ZNF135: variants seen among roughly 807,000 people sequenced by gnomAD.
ZNF135 encodes zinc finger protein 135 (clone pHZ-17).
A neutral mutation model predicts 12.3 loss-of-function variants in ZNF135; 11 were observed. The ratio of observed to expected loss-of-function variants is 0.89; its 90% CI spans 0.56 to 1.48. ZNF135 has a LOEUF of 1.48. Among genes scored for constraint, ZNF135 ranks in the 40% most tolerant of loss-of-function variants. The pLI is 0.00. For missense variants in ZNF135, 722 were observed against 815.7 expected, an observed-to-expected ratio of 0.89 and a Z score of 1.40; for synonymous variants, 316 against 312.0, an observed-to-expected ratio of 1.01 and a Z score of -0.14.
chr19:58,068,286 C>A lies in ZNF135; in HGVS notation c.1802C>A (p.Thr601Asn). 6.2e-7 allele frequency: 1 copy of A among 1,614,162 alleles called. No homozygotes were observed. The highest frequency in any genetic ancestry group is 1.3e-5 in the African/African-American group (1 of 75,032). ...CTCAGCCAGCACGAAAGGACGCACA[C>A]TGGGGAAAAGCCCTATGAGTGTCAC... ...SSLSQHERTH[T>N]GEKPYECHDC... The change falls in exon 5 of 5, where the codon ACT becomes AAT. Residue 601 changes from threonine (T) to asparagine (N), a missense_variant. Transcript: ENST00000313434.
At chr19:58,064,282 A>G (rs1466833580) in intron 4 of ZNF135, among the ~76,000 whole-genome samples, 3 of 152,220 alleles carry the variant, frequency 2.0e-5, no homozygotes, top group South Asian at 2.1e-4. Flanking sequence ...TACCCAATAT[A>G]TTAGCTTCCT....
At position 58,067,101 on chromosome 19, in the gene ZNF135, A is replaced by T; in HGVS notation, c.617A>T (p.Lys206Ile). Reference protein sequence around the residue: ...REKPDLNVLQKTCVKEKPYKC... With the variant: ...REKPDLNVLQITCVKEKPYKC... Reference sequence around the variant, plus strand: ...AAGCCAGACCTAAATGTTTTACAGAAAACCTGTGTAAAAGAGAAACCCTAC... The same window carrying T: ...AAGCCAGACCTAAATGTTTTACAGATAACCTGTGTAAAAGAGAAACCCTAC... The change falls in exon 5 of 5, where the codon AAA (lysine) becomes ATA (isoleucine). Residue 206 changes from lysine (K) to isoleucine (I), a missense_variant. Physicochemically the swap from Lys to Ile is moderately radical, Grantham distance 102 (BLOSUM62 -3). Coordinates refer to ENST00000313434, the MANE Select transcript of ZNF135 (RefSeq NM_001289401.2). The T allele has an allele frequency of 6.2e-7, 1 of 1,614,242 alleles. No individual in the cohort carries two copies. Among genetic ancestry groups the T allele is most frequent in the Non-Finnish European group, 8.5e-7 (1 of 1,180,046 alleles).
Position 58,067,609 on chromosome 19 carries a change from C to T in ZNF135, c.1125C>T (p.Ile375=). 6.2e-7 allele frequency: 1 copy of T among 1,613,544 alleles called. No homozygotes were observed. Among genetic ancestry groups the T allele is most frequent in the East Asian group, 2.2e-5 (1 of 44,824 alleles). ...CATCCTTGACCAAACACCAGCGAAT[C>T]CACACAGGGGAGAAGCCCTACGAGT... ...HSSSLTKHQR[I]HTGEKPYECH... is the part of the protein sequence containing the mutation. The change falls in exon 5 of 5, where the codon ATC becomes ATT. Residue 375 remains isoleucine (I), a synonymous_variant. Transcript: ENST00000313434.
rs1339005801 is a variant in ZNF135 at position 58,065,226 on chromosome 19, C to A, written c.257-1515C>A. On this transcript the variant is annotated intron_variant, in intron 4 of 4. Transcript: ENST00000313434. The surrounding 1 kb of genome is among the most constrained non-coding windows in gnomAD (Gnocchi z 4.0). ...TGTTTTTTTAAGAGATGGGGTCTTG[C>A]TATCTTGCCTAGGATGGAGTCCAGT... 2.0e-5 allele frequency among the ~76,000 whole-genome samples: 3 copies of A among 152,022 alleles called. No individual in the cohort carries two copies. Among genetic ancestry groups the A allele is most frequent in the Non-Finnish European group, 4.4e-5 (3 of 67,994 alleles).
At chr19:58,061,446 A>C in intron 2 of ZNF135, 134 bp from the exon 3 acceptor site, 2 of 1,161,842 alleles carry the variant, frequency 1.7e-6, no homozygotes, top group Admixed American at 3.0e-5. Context: ...TCCAGGCCCC[A>C]CAGAAAAACC....
intron 2 of ZNF135, 41 bp from the exon 3 acceptor site, chr19:58,061,539 C>G (rs377458069): frequency 2.4e-4 from 374 of 1,589,440 alleles, no homozygotes; most frequent in Middle Eastern, 3.4e-4. Flanking sequence ...GCAGCCAGTG[C>G]CAGGGTTGGC....
chr19:58,066,830 T>A lies in ZNF135; in HGVS notation c.346T>A (p.Phe116Ile), dbSNP rs2074074449. ...CAACAGTGTCATCTTGGTAGAAAGA[T>A]TCCTGTGGGATGGTCTGTGGTACTG... The part of the protein sequence containing the change: ...ISNSVILVER[F>I]LWDGLWYCRG... The change falls in exon 5 of 5, where the codon TTC (phenylalanine) becomes ATC (isoleucine). Residue 116 changes from phenylalanine to isoleucine, a missense_variant. Transcript: ENST00000313434. 6.2e-7 allele frequency: 1 copy of A among 1,614,092 alleles called. No homozygotes were observed. The highest frequency in any genetic ancestry group is 1.7e-5 in the Admixed American group (1 of 60,006).
chr19:58,061,725 C>T lies in ZNF135; in HGVS notation c.160+19C>T. 1.9e-6 allele frequency: 3 copies of T among 1,601,108 alleles called. No individual in the cohort carries two copies. Among genetic ancestry groups the T allele is most frequent in the Non-Finnish European group, 2.6e-6 (3 of 1,175,340 alleles). On this transcript the variant is annotated intron_variant, in intron 3 of 4. Coordinates refer to ENST00000313434, the MANE Select transcript of ZNF135 (RefSeq NM_001289401.2). ...TCTGTGGGTAAGGCCACACCCATGT[C>T]CTATCTGTTGATCTGTCCCTGACAC...
rs774073039 is a variant in ZNF135, at chr19:58,067,568, G to A, written c.1084G>A (p.Ala362Thr). Residue 362 changes from alanine (A) to threonine (T), a missense_variant, in exon 5 of 5, where the codon GCC becomes ACC. Ala to Thr is a moderately conservative substitution (Grantham distance 58). Coordinates refer to ENST00000313434, the MANE Select transcript of ZNF135 (RefSeq NM_001289401.2). ...CTATCAGTGTGGTGAGTGTGGCAAG[G>A]CCTTCAGCCACAGCTCATCCTTGAC... ...KPYQCGECGK[A>T]FSHSSSLTKH... 6.2e-7 allele frequency: 1 copy of A among 1,613,772 alleles called. No homozygotes were observed.
rs1297358760 is a variant in ZNF135, at chr19:58,068,863, T to C, written c.*402T>C. On this transcript the variant is annotated 3_prime_UTR_variant, in exon 5 of 5. Coordinates refer to ENST00000313434, the MANE Select transcript of ZNF135 (RefSeq NM_001289401.2). Reference sequence around the variant, plus strand: ...TGAGAAACCCAACAAATGCCTTTCATATATACGAGAACCAAATGAAGTCAG... The same window carrying C: ...TGAGAAACCCAACAAATGCCTTTCACATATACGAGAACCAAATGAAGTCAG... The C allele has an allele frequency of 1.1e-5, 2 of 179,064 alleles. No individual in the cohort carries two copies. The highest frequency in any genetic ancestry group is 1.1e-4 in the Admixed American group (2 of 18,752). 11.1% of individuals were successfully genotyped at this position (179,064 alleles called of 1,614,324 possible).
Position 58,059,442 on chromosome 19 carries a change from G to A in ZNF135, c.-35+132G>A. 1 of 1,000,808 alleles carries A rather than the reference G, an allele frequency of 1.0e-6. No homozygotes were observed. The highest frequency in any genetic ancestry group is 1.4e-6 in the Non-Finnish European group (1 of 724,868). The allele number at this position is 1,000,808 out of a possible 1,614,324, so 62.0% of individuals were successfully genotyped here. On this transcript the variant is annotated intron_variant, in intron 1 of 4. Transcript: ENST00000313434. The surrounding 1 kb of genome is among the most constrained non-coding windows in gnomAD (Gnocchi z 6.5). ...AGCAGCGCGCGTCTGTGTGGAGTCC[G>A]TTTTGCTGCCCGGGGCCTGGGGAAG...
At position 58,061,570 on chromosome 19, in the gene ZNF135, G is replaced by C; in HGVS notation, c.34-10G>C. The C allele has an allele frequency of 6.2e-7, 1 of 1,611,306 alleles. No homozygotes were observed. Among genetic ancestry groups the C allele is most frequent in the Non-Finnish European group, 8.5e-7 (1 of 1,178,784 alleles). Reference sequence around the variant, plus strand: ...TTGGCTTGGCTGAGGACACTCGTGTGATGTTTCAGGAGCAAGTGACGTTTG... The same window carrying C: ...TTGGCTTGGCTGAGGACACTCGTGTCATGTTTCAGGAGCAAGTGACGTTTG... On this transcript the variant is annotated splice_polypyrimidine_tract_variant and intron_variant, in intron 2 of 4. Transcript: ENST00000313434.
chr19:58,069,376 G>A lies in ZNF135; in HGVS notation c.*915G>A, dbSNP rs1401985345. 3.9e-5 allele frequency: 6 copies of A among 152,092 alleles called. No individual in the cohort carries two copies. Among genetic ancestry groups the A allele is most frequent in the South Asian group, 2.1e-4 (1 of 4,824 alleles). 9.4% of individuals were successfully genotyped at this position (152,092 alleles called of 1,614,324 possible). A position where few individuals can be genotyped will look rare whatever the true frequency, so the allele number is the denominator to read the frequency against. The stretch of plus-strand genomic sequence containing the variant: ...GAGATTTTTCCTTTGTTAAACCATC[G>A]TCTTATAAGCAATAGCAAATTCATG... On this transcript the variant is annotated 3_prime_UTR_variant, in exon 5 of 5. Transcript: ENST00000313434.
Position 58,059,736 on chromosome 19 carries a change from C to T in ZNF135, c.-34-233C>T. On this transcript the variant is annotated intron_variant, in intron 1 of 4. Coordinates refer to ENST00000313434, the MANE Select transcript of ZNF135 (RefSeq NM_001289401.2). The surrounding 1 kb of genome is among the most constrained non-coding windows in gnomAD (Gnocchi z 6.5). ...GCGTTAAGGCTCAGAGTCTGCGCAGCAGATATGTGTCCGCACCCGCCAGGC... is the reference window on the plus strand; with the variant it reads ...GCGTTAAGGCTCAGAGTCTGCGCAGTAGATATGTGTCCGCACCCGCCAGGC... The T allele has an allele frequency of 1.7e-6, 1 of 589,576 alleles. No individual in the cohort carries two copies. The highest frequency in any genetic ancestry group is 3.0e-6 in the Non-Finnish European group (1 of 336,772). 36.5% of individuals were successfully genotyped at this position (589,576 alleles called of 1,614,324 possible). A position where few individuals can be genotyped will look rare whatever the true frequency, so the allele number is the denominator to read the frequency against.
chr19:58,062,838 A>G (rs894941707), intron 3 of ZNF135, among the ~76,000 whole-genome samples: 1 of 151,992 alleles, frequency 6.6e-6, no homozygotes, highest in Non-Finnish European at 1.5e-5. Context: ...CTACAGGTGC[A>G]TACCACCACA....
In ZNF135 at chr19:58,060,923, G is replaced by A. The variant is rs2073967139; in HGVS notation, c.34-657G>A. On this transcript the variant is annotated intron_variant, in intron 2 of 4. Coordinates refer to ENST00000313434, the MANE Select transcript of ZNF135 (RefSeq NM_001289401.2). The surrounding 1 kb of genome is among the most constrained non-coding windows in gnomAD (Gnocchi z 4.9). ...GGGCGGATCACGAGGTCAGGAGATCGAGACCATCCTGGCGAACACGGTGAA... is the reference window on the plus strand; with the variant it reads ...GGGCGGATCACGAGGTCAGGAGATCAAGACCATCCTGGCGAACACGGTGAA... Among the ~76,000 whole-genome samples, 1 of 152,226 alleles carries A rather than the reference G, an allele frequency of 6.6e-6. No homozygotes were observed. Among genetic ancestry groups the A allele is most frequent in the South Asian group, 2.1e-4 (1 of 4,824 alleles).
chr19:58,059,757 C>T lies in ZNF135; in HGVS notation c.-34-212C>T, dbSNP rs1488566095. 2 of 613,408 alleles carry T rather than the reference C, an allele frequency of 3.3e-6. No individual in the cohort carries two copies. Among genetic ancestry groups the T allele is most frequent in the Non-Finnish European group, 5.6e-6 (2 of 356,284 alleles). The allele number at this position is 613,408 out of a possible 1,614,324, so 38.0% of individuals were successfully genotyped here. ...GCAGCAGATATGTGTCCGCACCCGC[C>T]AGGCCTTCAGCTTCCCTCAGACAGG... On this transcript the variant is annotated intron_variant, in intron 1 of 4. Transcript: ENST00000313434. The surrounding 1 kb of genome is among the most constrained non-coding windows in gnomAD (Gnocchi z 6.5).
At chr19:58,061,804 T>C in intron 3 of ZNF135, 98 bp downstream of exon 3, 1 of 1,437,598 alleles carries the variant, frequency 7.0e-7, no homozygotes, top group Non-Finnish European at 9.3e-7. Flanking sequence ...TAAAAGCAAA[T>C]GCCTGGGGCT....
chr19:58,059,932 C>T lies in ZNF135; in HGVS notation c.-34-37C>T, dbSNP rs1007156183. ...CGGCTTGGGGACCTGAGCACCGCCT[C>T]TGCCTGCCCCAGCTGCTCACCTCCC... On this transcript the variant is annotated intron_variant, in intron 1 of 4. Transcript: ENST00000313434. This position sits in a 1 kb window ranked among gnomAD's most constrained non-coding sequence, Gnocchi z 6.5. The T allele has an allele frequency of 5.8e-5, 93 of 1,608,420 alleles. No individual in the cohort carries two copies. Among genetic ancestry groups the T allele is most frequent in the Non-Finnish European group, 7.2e-5 (85 of 1,178,090 alleles).
Sources: gnomAD v4.1 joint callset for allele counts (sites outside exome capture counted in the v4.1 genomes callset) on GRCh38, gnomAD v4.1.1 for gene constraint, Gnocchi (gnomAD v3.1) non-coding constraint, MANE v1.5 for transcripts, NCBI Gene and HGNC (gene_info 2026-07-23, HGNC 2026-07-21) for gene names.